TRPM1: variants seen among roughly 807,000 people sequenced by gnomAD.
TRPM1 encodes the protein transient receptor potential cation channel subfamily M member 1.
TRPM1 carries 113 observed loss-of-function variants against 149.4 expected under a neutral mutation model. The ratio of observed to expected loss-of-function variants is 0.76; its 90% CI spans 0.65 to 0.88. TRPM1 has a LOEUF of 0.88. Ranked by LOEUF, TRPM1 falls within the 40% of genes least tolerant of loss-of-function variation. The pLI, the probability that TRPM1 is intolerant of heterozygous loss-of-function variation, is 0.00. For synonymous variants in TRPM1, 741 were observed against 759.5 expected, an observed-to-expected ratio of 0.98 and a Z score of 0.40; for missense variants, 1,976 against 2,038.7, an observed-to-expected ratio of 0.97 and a Z score of 0.59.
intron 3 of TRPM1, among the ~76,000 whole-genome samples, chr15:31,075,150 T>A (rs1357387558): frequency 6.6e-6 from 1 of 152,228 alleles, no homozygotes; most frequent in Non-Finnish European, 1.5e-5. Context: ...TTTTCTATTG[T>A]TACTGGGTGG....
chr15:31,014,720 A>T (rs1429560266), intron 27 of TRPM1, among the ~76,000 whole-genome samples: 1 of 152,112 alleles, frequency 6.6e-6, no homozygotes, highest in Non-Finnish European at 1.5e-5. Flanking sequence ...TGCCTTTGGT[A>T]TGTGAATAAG....
intron 27 of TRPM1, among the ~76,000 whole-genome samples, chr15:31,016,931 T>G (rs2032374130): frequency 6.6e-6 from 1 of 151,398 alleles, no homozygotes; most frequent in Non-Finnish European, 1.5e-5. Flanking sequence ...AGGATACACC[T>G]GAATGCCCTA....
At chr15:31,059,210 GATCA>G (rs2034161884) in intron 11 of TRPM1, among the ~76,000 whole-genome samples, 1 of 152,152 alleles carries the variant, frequency 6.6e-6, no homozygotes, top group African/African-American at 2.4e-5. Context: ...GTCTACACAT[GATCA>G]ATCAATAAAG....
intron 1 of TRPM1, among the ~76,000 whole-genome samples, chr15:31,088,092 G>C (rs11853491): frequency 0.043 from 6,513 of 152,242 alleles, 464 homozygotes; most frequent in African/African-American, 0.15. Flanking sequence ...GGTCGGGTGG[G>C]GACTTGGGGA....
chr15:31,073,626 G>C (rs1424672222), intron 3 of TRPM1, among the ~76,000 whole-genome samples: 1 of 151,980 alleles, frequency 6.6e-6, no homozygotes, highest in African/African-American at 2.4e-5. Flanking sequence ...ATTTTTCTAT[G>C]TATAAGATTA....
intron 1 of TRPM1, among the ~76,000 whole-genome samples, chr15:31,116,390 C>T (rs1439241870): frequency 1.3e-5 from 2 of 152,108 alleles, no homozygotes; most frequent in Non-Finnish European, 2.9e-5. Context: ...GGTGGATCAC[C>T]TGAGGCTAGG....
chr15:31,097,042 C>G (rs558656283), intron 1 of TRPM1, among the ~76,000 whole-genome samples: 1 of 152,226 alleles, frequency 6.6e-6, no homozygotes, highest in Non-Finnish European at 1.5e-5. Context: ...TTGCTCTGCT[C>G]TTTTTCTATG....
chr15:31,047,989 G>A (rs958111490), intron 13 of TRPM1, 50 bp from the exon 14 acceptor site: 28 of 1,549,472 alleles, frequency 1.8e-5, no homozygotes, highest in African/African-American at 1.2e-4. Context: ...TTGGCCAGGC[G>A]CGGTGGCTCA....
In TRPM1 at chr15:31,152,853, G is replaced by T. The variant is rs139552963; in HGVS notation, c.54+8053C>A. 2.4e-3 allele frequency among the ~76,000 whole-genome samples: 367 copies of T among 152,256 alleles called. 1 individual carries two copies. The highest frequency in any genetic ancestry group is 8.5e-3 in the African/African-American group (353 of 41,536). ...AGACAGGGTCTCACTATGTTGCCCA[G>T]GCTGGTCTTGAACTCCTAGGCTCAA... is the stretch of plus-strand genomic sequence containing the variant. On this transcript the variant is annotated intron_variant, in intron 1 of 26. Coordinates refer to the TRPM1 transcript ENST00000542188.
At chr15:31,094,132 T>C (rs2035313904) in intron 1 of TRPM1, among the ~76,000 whole-genome samples, 1 of 152,188 alleles carries the variant, frequency 6.6e-6, no homozygotes, top group African/African-American at 2.4e-5. Context: ...TGTCAACTAA[T>C]AGTGCTTGGA....
In TRPM1 at chr15:31,002,589, C is replaced by T. The variant is rs117777759; in HGVS notation, c.4111G>A (p.Ala1371Thr). The T allele has an allele frequency of 1.2e-5, 20 of 1,614,114 alleles. No homozygotes were observed. In the African/African-American group the frequency reaches 1.9e-4, roughly 15 times the overall value. ...SHLAVDDLKN[A>T]EESKLGPDIG... ...TCTGGACCTAATTTTGACTCTTCAGCGTTCTTTAAGTCATCTACTGCAAGG... is the reference window on the plus strand; with the variant it reads ...TCTGGACCTAATTTTGACTCTTCAGTGTTCTTTAAGTCATCTACTGCAAGG... Residue 1371 changes from alanine to threonine, a missense_variant, in exon 28 of 28, where the codon GCT (alanine) becomes ACT (threonine). Physicochemically the swap from Ala to Thr is moderately conservative, Grantham distance 58. Transcript: ENST00000256552.
At chr15:31,071,285 C>A (rs1189681953) in intron 3 of TRPM1, among the ~76,000 whole-genome samples, 2 of 152,180 alleles carry the variant, frequency 1.3e-5, no homozygotes, top group African/African-American at 4.8e-5. Context: ...AGGTCTGTTC[C>A]TGGACCCAGC....
At chr15:31,069,844 T>G (rs1203171487) in intron 4 of TRPM1, 187 bp downstream of exon 4, 6 of 1,552,540 alleles carry the variant, frequency 3.9e-6, no homozygotes, top group Non-Finnish European at 5.2e-6. Flanking sequence ...TACAGTGGTG[T>G]CCAGTTTCCA....
chr15:31,037,575 C>A lies in TRPM1; in HGVS notation c.2571+136G>T, dbSNP rs2033449525. The A allele has an allele frequency of 4.9e-6, 6 of 1,214,738 alleles. No homozygotes were observed. In the Admixed American group the frequency reaches 9.8e-5, roughly 20 times the overall value. 75.2% of individuals were successfully genotyped at this position (1,214,738 alleles called of 1,614,324 possible). A position where few individuals can be genotyped will look rare whatever the true frequency, so the allele number is the denominator to read the frequency against. ...GTTAGCCAGAGATCTCAATTAGTCC[C>A]AGTTTTGTTCTCATAATTCATTTTA... On this transcript the variant is annotated intron_variant, in intron 20 of 27. Transcript: ENST00000256552.
At chr15:31,113,166 A>C (rs1301650621) in intron 1 of TRPM1, among the ~76,000 whole-genome samples, 1 of 151,940 alleles carries the variant, frequency 6.6e-6, no homozygotes, top group Non-Finnish European at 1.5e-5. Flanking sequence ...CCCCCTTCAA[A>C]ACTCACCACG....
chr15:31,152,003 T>C (rs938874995), intron 1 of TRPM1, among the ~76,000 whole-genome samples: 22 of 152,184 alleles, frequency 1.4e-4, no homozygotes, highest in Non-Finnish European at 1.9e-4. Flanking sequence ...TGGCGGTGAC[T>C]CCAGCAAGCT....
chr15:31,078,361 C>G (rs1233899490), intron 2 of TRPM1, among the ~76,000 whole-genome samples: 4 of 152,162 alleles, frequency 2.6e-5, no homozygotes, highest in African/African-American at 9.7e-5. Context: ...AGAGCCCCAG[C>G]CCTAGTCCCA....
chr15:31,085,808 G>C (rs1434384059), intron 1 of TRPM1, among the ~76,000 whole-genome samples: 1 of 152,170 alleles, frequency 6.6e-6, no homozygotes, highest in Non-Finnish European at 1.5e-5. Context: ...AATTATCCTG[G>C]CTGGACACAG....
chr15:31,077,976 T>C (rs1034929721), intron 2 of TRPM1, among the ~76,000 whole-genome samples: 32 of 152,046 alleles, frequency 2.1e-4, no homozygotes, highest in African/African-American at 7.7e-4. Flanking sequence ...GACTATGACC[T>C]GTGTAGTGTG....
Sources: allele counts gnomAD v4.1 joint callset (sites outside exome capture counted in the v4.1 genomes callset), GRCh38; gene constraint gnomAD v4.1.1; transcripts MANE v1.5; gene names NCBI Gene and HGNC (gene_info 2026-07-23, HGNC 2026-07-21).